The following DDX25 variants were observed in gnomAD, a reference collection of about 807,000 sequenced individuals.
The protein encoded by DDX25 is ATP-dependent RNA helicase DDX25.
DDX25 carries 70 observed loss-of-function variants against 64.6 expected under a neutral mutation model. That is an observed-to-expected ratio of 1.08 (90% confidence interval 0.89 to 1.32). The LOEUF (loss-of-function observed/expected upper bound fraction) is 1.32, where lower values mean the gene tolerates loss of function less well. Among genes scored for constraint, DDX25 ranks in the 40% most tolerant of loss-of-function variants. The pLI is 0.00. For synonymous variants in DDX25, 211 were observed against 213.3 expected (o/e 0.99, Z 0.09); for missense variants, 587 against 604.4 (o/e 0.97, Z 0.30).
At chr11:125,907,343 T>C (rs1944901552) in intron 4 of DDX25, among the ~76,000 whole-genome samples, 1 of 152,146 alleles carries the variant, frequency 6.6e-6, no homozygotes, top group South Asian at 2.1e-4. Flanking sequence ...GCGCGGTGGC[T>C]CACGCCTGTA....
At chr11:125,904,312 T>C (rs1944841737), upstream of DDX25, 1 of 383,754 alleles carries the variant, frequency 2.6e-6, no homozygotes, top group Non-Finnish European at 4.5e-6. Flanking sequence ...TCCGCCCCGC[T>C]CTCTGCCCCC....
In DDX25 at chr11:125,905,194, A is replaced by G; in HGVS notation, c.64-18A>G. The G allele has an allele frequency of 1.3e-6, 2 of 1,551,268 alleles. No individual in the cohort carries two copies. The highest frequency in any genetic ancestry group is 2.4e-5 in the East Asian group (1 of 40,908). Reference sequence around the variant, plus strand: ...GGCTTGCATCCTAATATTGGTTGAAATTTGTGTCTCTCAATAGTTTTCAAA... The same window carrying G: ...GGCTTGCATCCTAATATTGGTTGAAGTTTGTGTCTCTCAATAGTTTTCAAA... On this transcript the variant is annotated intron_variant, in intron 1 of 11. Transcript: ENST00000263576.
rs1945050547 is a variant in DDX25 at position 125,917,189 on chromosome 11, T to TA, written c.977dup (p.Tyr326Ter). The change falls in exon 9 of 12, where the codon TAC (tyrosine) becomes TAAC (stop). Residue 326 changes from tyrosine (Y) to a stop codon, truncating the protein, a stop_gained and frameshift_variant. Coordinates refer to ENST00000263576, the MANE Select transcript of DDX25 (RefSeq NM_013264.5). LOFTEE classifies it high-confidence loss of function. ...YVLCEHRKDKYQALCNIYGSI... is the reference protein window; with the variant it reads ...YVLCEHRKDK Reference sequence around the variant, plus strand: ...GCTGTGTGAGCACAGGAAAGACAAATACCAAGCTCTGTGCAACATTTATGG... The same window carrying TA: ...GCTGTGTGAGCACAGGAAAGACAAATAACCAAGCTCTGTGCAACATTTATGG... The TA allele has an allele frequency of 6.2e-7, 1 of 1,611,184 alleles. No homozygotes were observed. The highest frequency in any genetic ancestry group is 8.5e-7 in the Non-Finnish European group (1 of 1,178,938).
chr11:125,906,345 A>AGTGAGACTCT, intron 4 of DDX25, 136 bp downstream of exon 4: 1 of 1,168,188 alleles, frequency 8.6e-7, no homozygotes, highest in Non-Finnish European at 1.1e-6. Context: ...TTTGAGACAG[A>AGTGAGACTCT]GTCTCACTCT....
chr11:125,910,336 C>T, intron 6 of DDX25, 28 bp from the exon 7 acceptor site: 1 of 1,593,736 alleles, frequency 6.3e-7, no homozygotes, highest in Non-Finnish European at 8.6e-7. Flanking sequence ...GAACCTTTCT[C>T]CTCCCCTCTT....
Position 125,926,303 on chromosome 11 carries a change from G to C in DDX25, c.*3422G>C, listed in dbSNP as rs1360320640. The C allele has an allele frequency of 6.6e-6, 1 of 152,202 alleles. No homozygotes were observed. Among genetic ancestry groups the C allele is most frequent in the Admixed American group, 6.5e-5 (1 of 15,270 alleles). The allele number at this position is 152,202 out of a possible 1,614,324, so 9.4% of individuals were successfully genotyped here. A position where few individuals can be genotyped will look rare whatever the true frequency, so the allele number is the denominator to read the frequency against. Reference sequence around the variant, plus strand: ...CTTTTCCCAAGGGAGTAACAGAAAGGTCAGATCCTCTTCAATCCTAACCCT... The same window carrying C: ...CTTTTCCCAAGGGAGTAACAGAAAGCTCAGATCCTCTTCAATCCTAACCCT... On this transcript the variant is annotated 3_prime_UTR_variant, in exon 12 of 12. Coordinates refer to ENST00000263576, the MANE Select transcript of DDX25 (RefSeq NM_013264.5).
At position 125,925,170 on chromosome 11, in the gene DDX25, C is replaced by A; in HGVS notation, c.*2289C>A. The stretch of plus-strand genomic sequence containing the variant: ...GTTGGACCTTCCACCGTGCTCAGCT[C>A]CGCCTTGGGGTGTCCTAAATAAAAC... On this transcript the variant is annotated 3_prime_UTR_variant, in exon 12 of 12. Coordinates refer to ENST00000263576, the MANE Select transcript of DDX25 (RefSeq NM_013264.5). The A allele has an allele frequency of 3.4e-6, 1 of 292,524 alleles. No individual in the cohort carries two copies. Among genetic ancestry groups the A allele is most frequent in the Non-Finnish European group, 6.9e-6 (1 of 144,846 alleles). 18.1% of individuals were successfully genotyped at this position (292,524 alleles called of 1,614,324 possible).
chr11:125,925,307 C>A lies in DDX25; in HGVS notation c.*2426C>A. The A allele has an allele frequency of 2.4e-6, 1 of 423,462 alleles. No homozygotes were observed. Among genetic ancestry groups the A allele is most frequent in the South Asian group, 1.7e-5 (1 of 60,032 alleles). The allele number at this position is 423,462 out of a possible 1,614,324, so 26.2% of individuals were successfully genotyped here. ...GCTGTTCCCACAGGTCTGCATGAAC[C>A]AGGTATTTTTCTGCGTTCCCTTTTG... On this transcript the variant is annotated 3_prime_UTR_variant, in exon 12 of 12. Coordinates refer to ENST00000263576, the MANE Select transcript of DDX25 (RefSeq NM_013264.5).
At chr11:125,906,340 G>C (rs1362681719) in intron 4 of DDX25, 131 bp downstream of exon 4, 1 of 1,216,278 alleles carries the variant, frequency 8.2e-7, no homozygotes. Context: ...TGTTATTTGA[G>C]ACAGAGTCTC....
upstream of DDX25, chr11:125,904,488 G>A (rs1274547686): frequency 1.4e-6 from 2 of 1,469,778 alleles, no homozygotes; most frequent in African/African-American, 1.4e-5. Flanking sequence ...GTGGAAGCAC[G>A]TGCTGGGGGC....
intron 8 of DDX25, 60 bp downstream of exon 8, chr11:125,911,548 G>A (rs1944969522): frequency 6.6e-7 from 1 of 1,510,252 alleles, no homozygotes; most frequent in East Asian, 2.3e-5. Context: ...AATTTCATTT[G>A]TTTACTCCTC....
chr11:125,915,394 A>G (rs1162243465), intron 8 of DDX25, among the ~76,000 whole-genome samples: 4 of 152,252 alleles, frequency 2.6e-5, no homozygotes, highest in Non-Finnish European at 5.9e-5. Flanking sequence ...AAGTTAATCA[A>G]TATAAAAATT....
At position 125,911,394 on chromosome 11, in the gene DDX25, ATTGAT is replaced by A; in HGVS notation, c.711_715del (p.Leu238Ter). 6.2e-7 allele frequency: 1 copy of A among 1,613,912 alleles called. No individual in the cohort carries two copies. Among genetic ancestry groups the A allele is most frequent in the Non-Finnish European group, 8.5e-7 (1 of 1,179,864 alleles). Reference sequence around the variant, plus strand: ...AGATTGGTGTTTTAAACTAAAATTGATTGATTTGACTAAGATTCGTGTGTTTGTCC... The same window carrying A: ...AGATTGGTGTTTTAAACTAAAATTGATTGACTAAGATTCGTGTGTTTGTCC... On this transcript the variant is annotated frameshift_variant, in exon 8 of 12. Transcript: ENST00000263576. LOFTEE classifies it high-confidence loss of function.
At chr11:125,922,729 C>T (rs963274885) in intron 11 of DDX25, 91 bp from the exon 12 acceptor site, 15 of 1,197,044 alleles carry the variant, frequency 1.3e-5, no homozygotes, top group Admixed American at 5.3e-5. Flanking sequence ...GCTTTTTATA[C>T]GAGGTATCAC....
chr11:125,916,985 TG>T, intron 8 of DDX25, 28 bp from the exon 9 acceptor site: 1 of 1,557,124 alleles, frequency 6.4e-7, no homozygotes, highest in African/African-American at 1.4e-5. Context: ...GATGGCAGCT[TG>T]GTGACAGCCT....
At position 125,922,842 on chromosome 11, in the gene DDX25, C is replaced by T. The variant is rs760195783; in HGVS notation, c.1413C>T (p.Asn471=). The change falls in exon 12 of 12, where the codon AAC becomes AAT. Residue 471 remains asparagine, a synonymous_variant. Transcript: ENST00000263576. ...TAGACAGCAGTATTAAGCAACTCAA[C>T]GCTGAAGACATGGATGAAATTGAAA... ...DHFNSSIKQL[N]AEDMDEIEKI... is the part of the protein sequence containing the mutation. The T allele has an allele frequency of 2.3e-5, 37 of 1,609,772 alleles. No individual in the cohort carries two copies. Among genetic ancestry groups the T allele is most frequent in the Admixed American group, 6.7e-5 (4 of 59,598 alleles).
intron 8 of DDX25, among the ~76,000 whole-genome samples, chr11:125,913,876 A>G (rs77299180): frequency 0.011 from 1,672 of 152,250 alleles, 42 homozygotes; most frequent in African/African-American, 0.037. Context: ...AAAAAATGAT[A>G]TAAAATAGAA....
At chr11:125,906,610 A>G (rs901878725) in intron 4 of DDX25, among the ~76,000 whole-genome samples, 2 of 152,040 alleles carry the variant, frequency 1.3e-5, no homozygotes, top group Non-Finnish European at 2.9e-5. Context: ...AGATCGCCCG[A>G]GGGTCAGGAG....
Position 125,927,525 on chromosome 11 carries a change from G to A in DDX25, c.*4644G>A, listed in dbSNP as rs1056205322. 1.3e-5 allele frequency: 2 copies of A among 152,160 alleles called. No individual in the cohort carries two copies. Among genetic ancestry groups the A allele is most frequent in the African/African-American group, 4.8e-5 (2 of 41,446 alleles). The allele number at this position is 152,160 out of a possible 1,614,324, so 9.4% of individuals were successfully genotyped here. ...ATTTCTGTTCAGTAGAATAACCATG[G>A]GTTTCTCTATTCCAGTTTCTAGAAT... On this transcript the variant is annotated 3_prime_UTR_variant, in exon 12 of 12. Transcript: ENST00000263576.
Sources: gnomAD v4.1 joint callset for allele counts (sites outside exome capture counted in the v4.1 genomes callset) on GRCh38, gnomAD v4.1.1 for gene constraint, MANE v1.5 for transcripts, NCBI Gene and HGNC (gene_info 2026-07-23, HGNC 2026-07-21) for gene names.